CADM2: variants seen among roughly 807,000 people sequenced by gnomAD.
CADM2 encodes cell adhesion molecule 2, also known as immunoglobulin superfamily member 4D.
Under a neutral mutation model 49.8 loss-of-function variants are expected in CADM2, and 12 were observed. That is an observed-to-expected ratio of 0.24 (90% CI 0.15 to 0.39). The LOEUF (loss-of-function observed/expected upper bound fraction) is 0.39. Among genes scored for constraint, CADM2 ranks in the 10% least tolerant of loss-of-function variants. CADM2 has a pLI of 1.00. For missense variants in CADM2, 378 were observed against 492.3 expected (o/e 0.77, Z 2.20); for synonymous variants, 214 against 175.4 (o/e 1.22, Z -1.74).
chr3:86,014,992 A>T (rs950410771), intron 8 of CADM2: 10 of 1,150,000 alleles, frequency 8.7e-6, no homozygotes, highest in African/African-American at 4.6e-5. Context: ...AGTTCGAGTA[A>T]CTTGGCTTTG....
chr3:85,933,604 C>T (rs998610506), intron 6 of CADM2, among the ~76,000 whole-genome samples: 28 of 152,040 alleles, frequency 1.8e-4, no homozygotes, highest in African/African-American at 6.8e-4. Flanking sequence ...AGGAATTGTC[C>T]ATGTGATTAT....
intron 1 of CADM2, among the ~76,000 whole-genome samples, chr3:85,074,580 A>G (rs2036871704): frequency 6.6e-6 from 1 of 152,160 alleles, no homozygotes; most frequent in Non-Finnish European, 1.5e-5. Flanking sequence ...TTTGTGTTCA[A>G]TATGTTTCTG....
At chr3:85,835,164 G>C (rs191331876) in intron 3 of CADM2, among the ~76,000 whole-genome samples, 1 of 151,610 alleles carries the variant, frequency 6.6e-6, no homozygotes, top group East Asian at 1.9e-4. Flanking sequence ...ATCTGCCACA[G>C]CTCTGGTATT....
intron 8 of CADM2, among the ~76,000 whole-genome samples, chr3:85,968,037 GA>G: frequency 6.6e-6 from 1 of 151,564 alleles, no homozygotes; most frequent in East Asian, 2.0e-4. Flanking sequence ...ACAGTGGAGG[GA>G]AAAAAGGATG....
At chr3:85,215,937 G>T (rs1487270291) in intron 1 of CADM2, among the ~76,000 whole-genome samples, 1 of 152,126 alleles carries the variant, frequency 6.6e-6, no homozygotes. Flanking sequence ...TGCAGACGCT[G>T]CTAGAGAATG....
At chr3:85,209,983 A>G (rs949988965) in intron 1 of CADM2, among the ~76,000 whole-genome samples, 2 of 152,224 alleles carry the variant, frequency 1.3e-5, no homozygotes, top group Non-Finnish European at 2.9e-5. Flanking sequence ...ACCATGTCTT[A>G]CCTCCAAAGG....
chr3:85,784,549 T>TCTATCTAG (rs1487615351), intron 2 of CADM2, among the ~76,000 whole-genome samples: 4 of 142,146 alleles, frequency 2.8e-5, no homozygotes, highest in Admixed American at 7.0e-5. Flanking sequence ...TATCTATCTA[T>TCTATCTAG]CTATCTATCT....
At chr3:85,341,773 G>T (rs933404364) in intron 1 of CADM2, among the ~76,000 whole-genome samples, 3 of 151,966 alleles carry the variant, frequency 2.0e-5, no homozygotes, top group Non-Finnish European at 4.4e-5. Flanking sequence ...TTAATATAAA[G>T]ATTTAATCAT....
At chr3:85,668,295 C>CAAAAAAAAAAAAA (rs11447925) in intron 1 of CADM2, among the ~76,000 whole-genome samples, 3 of 81,742 alleles carry the variant, frequency 3.7e-5, no homozygotes, top group Non-Finnish European at 5.0e-5. Context: ...AGTACCAAAG[C>CAAAAAAAAAAAAA]AAAAAAAAAA....
intron 3 of CADM2, among the ~76,000 whole-genome samples, chr3:85,821,417 C>T (rs540752650): frequency 1.3e-5 from 2 of 152,288 alleles, no homozygotes; most frequent in African/African-American, 2.4e-5. Context: ...GTCTATATCA[C>T]CCACTTCCTA....
intron 1 of CADM2, among the ~76,000 whole-genome samples, chr3:85,355,661 C>G (rs766090916): frequency 7.2e-5 from 11 of 151,952 alleles, no homozygotes; most frequent in Non-Finnish European, 1.5e-4. Context: ...AATAAAATCG[C>G]GAAAACATAG....
chr3:86,008,959 A>C (rs1047519669), intron 8 of CADM2, among the ~76,000 whole-genome samples: 3 of 151,372 alleles, frequency 2.0e-5, no homozygotes, highest in African/African-American at 7.3e-5. Flanking sequence ...TGAGAAAATA[A>C]AATTATTATA....
intron 1 of CADM2, among the ~76,000 whole-genome samples, chr3:85,445,400 A>G (rs979113133): frequency 2.6e-5 from 4 of 152,144 alleles, no homozygotes; most frequent in Admixed American, 2.6e-4. Flanking sequence ...CTCAAAATGT[A>G]GTTTGTGAAA....
chr3:85,816,600 A>T (rs1395922732), intron 3 of CADM2, among the ~76,000 whole-genome samples: 1 of 152,178 alleles, frequency 6.6e-6, no homozygotes, highest in Non-Finnish European at 1.5e-5. Flanking sequence ...ATGAATGAGA[A>T]ACCTCTATTT....
In CADM2 at chr3:85,499,981, A is replaced by T. The variant is rs191322461; in HGVS notation, c.62-226541A>T. 1.3e-4 allele frequency among the ~76,000 whole-genome samples: 20 copies of T among 152,282 alleles called. No individual in the cohort carries two copies. In the East Asian group the frequency reaches 3.9e-3, roughly 29 times the overall value. On this transcript the variant is annotated intron_variant, in intron 1 of 9. Transcript: ENST00000383699. ...TGAGTAGAGTGCTGCTTAGTTCTAC[A>T]ATTACTGATATGTTTTACAAATGTT... is the stretch of plus-strand genomic sequence containing the variant.
intron 1 of CADM2, among the ~76,000 whole-genome samples, chr3:85,700,819 T>G (rs2066730194): frequency 6.6e-6 from 1 of 152,216 alleles, no homozygotes; most frequent in African/African-American, 2.4e-5. Context: ...AACAAGTCTC[T>G]AAGAAGTTCA....
At chr3:85,289,286 C>T (rs1317867194) in intron 1 of CADM2, among the ~76,000 whole-genome samples, 29 of 152,138 alleles carry the variant, frequency 1.9e-4, no homozygotes, top group Admixed American at 1.8e-3. Context: ...ACTGCATTTT[C>T]TTTTAATACT....
chr3:85,748,681 G>A (rs567914795), intron 2 of CADM2, among the ~76,000 whole-genome samples: 3 of 152,144 alleles, frequency 2.0e-5, no homozygotes, highest in Admixed American at 2.0e-4. Context: ...CCCATTTAGG[G>A]GGGTTTCCTT....
intron 1 of CADM2, among the ~76,000 whole-genome samples, chr3:85,428,735 G>A (rs2036536227): frequency 6.7e-6 from 1 of 148,640 alleles, no homozygotes. Context: ...AATACATAGG[G>A]AATATGCATT....
Sources: gnomAD v4.1 joint callset for allele counts (sites outside exome capture counted in the v4.1 genomes callset) on GRCh38, gnomAD v4.1.1 for gene constraint, MANE v1.5 for transcripts, NCBI Gene and HGNC (gene_info 2026-07-23, HGNC 2026-07-21) for gene names.